The following DRC11 variants were observed in gnomAD, a reference collection of about 807,000 sequenced individuals.
DRC11 encodes IQ and AAA domain-containing protein 1.
the DRC11 span, among the ~76,000 whole-genome samples, chr2:236,490,991 CAAG>C: frequency 3.1e-5 from 4 of 129,066 alleles, no homozygotes; most frequent in Non-Finnish European, 6.7e-5. The surrounding 1 kb of genome is among the most constrained non-coding windows in gnomAD (Gnocchi z 5.5). Flanking sequence ...GTATATACCC[CAAG>C]AATATATTGT....
chr2:236,406,142 A>G, the DRC11 span, among the ~76,000 whole-genome samples: 15 of 152,370 alleles, frequency 9.8e-5, no homozygotes, highest in African/African-American at 3.4e-4. This position sits in a 1 kb window ranked among gnomAD's most constrained non-coding sequence, Gnocchi z 4.7. Flanking sequence ...CTGAGAGTCA[A>G]TGGGACATAC....
the DRC11 span, among the ~76,000 whole-genome samples, chr2:236,342,021 C>T: frequency 7.2e-5 from 11 of 152,162 alleles, no homozygotes; most frequent in African/African-American, 2.2e-4. The surrounding 1 kb of genome is among the most constrained non-coding windows in gnomAD (Gnocchi z 5.8). Flanking sequence ...CTTCCATGCT[C>T]GGGTGGCGTC....
At chr2:236,320,958 G>C in the DRC11 span, among the ~76,000 whole-genome samples, 1 of 151,790 alleles carries the variant, frequency 6.6e-6, no homozygotes, top group African/African-American at 2.4e-5. Context: ...GGAGGACTTT[G>C]GGTTTTCAGC....
the DRC11 span, chr2:236,368,336 A>G: frequency 1.6e-6 from 2 of 1,279,312 alleles, no homozygotes; most frequent in Non-Finnish European, 2.2e-6. Context: ...CAATAAATGG[A>G]AAACAGCGCT....
At chr2:236,390,339 C>T in the DRC11 span, among the ~76,000 whole-genome samples, 1 of 152,096 alleles carries the variant, frequency 6.6e-6, no homozygotes. The surrounding 1 kb of genome is among the most constrained non-coding windows in gnomAD (Gnocchi z 5.9). Context: ...CATCCCTTCA[C>T]TTTCAGCCTA....
chr2:236,456,165 T>A, the DRC11 span, among the ~76,000 whole-genome samples: 152 of 152,324 alleles, frequency 1.0e-3, no homozygotes, highest in African/African-American at 3.5e-3. This position sits in a 1 kb window ranked among gnomAD's most constrained non-coding sequence, Gnocchi z 5.4. Context: ...TCCTATAGGT[T>A]TAACATGATT....
At chr2:236,440,282 A>C in the DRC11 span, among the ~76,000 whole-genome samples, 1 of 152,212 alleles carries the variant, frequency 6.6e-6, no homozygotes, top group Admixed American at 6.5e-5. Flanking sequence ...TTAATAGCGC[A>C]GGGCTTTAGA....
At chr2:236,339,099 C>T in the DRC11 span, among the ~76,000 whole-genome samples, 17 of 152,254 alleles carry the variant, frequency 1.1e-4, no homozygotes, top group Admixed American at 2.6e-4. Context: ...ATGGTGAGAG[C>T]CTCTGCAGAG....
chr2:236,448,642 A>T, the DRC11 span, among the ~76,000 whole-genome samples: 17 of 150,140 alleles, frequency 1.1e-4, no homozygotes, highest in South Asian at 3.6e-3. The surrounding 1 kb of genome is among the most constrained non-coding windows in gnomAD (Gnocchi z 5.3). Flanking sequence ...GGCTGTATTT[A>T]TTATTATTAT....
chr2:236,387,856 T>C, the DRC11 span, among the ~76,000 whole-genome samples: 1 of 152,286 alleles, frequency 6.6e-6, no homozygotes, highest in Middle Eastern at 3.4e-3. Context: ...AAGGCAGGCC[T>C]GGTGGTGACA....
At chr2:236,491,193 T>C in the DRC11 span, among the ~76,000 whole-genome samples, 1 of 50,682 alleles carries the variant, frequency 2.0e-5, no homozygotes, top group Non-Finnish European at 3.7e-5. Flanking sequence ...ACACAGTATA[T>C]ATATATATAT....
At chr2:236,453,386 C>A in the DRC11 span, among the ~76,000 whole-genome samples, 1 of 152,186 alleles carries the variant, frequency 6.6e-6, no homozygotes, top group African/African-American at 2.4e-5. This position sits in a 1 kb window ranked among gnomAD's most constrained non-coding sequence, Gnocchi z 4.9. Context: ...ATTTATGAAA[C>A]ACAAAGGCCT....
At chr2:236,418,021 T>C in the DRC11 span, among the ~76,000 whole-genome samples, 3 of 152,216 alleles carry the variant, frequency 2.0e-5, no homozygotes, top group East Asian at 1.9e-4. Flanking sequence ...CTATTGTAAA[T>C]AGTGCTGCAG....
chr2:236,487,717 T>C, the DRC11 span, among the ~76,000 whole-genome samples: 1 of 152,216 alleles, frequency 6.6e-6, no homozygotes, highest in Non-Finnish European at 1.5e-5. Flanking sequence ...ATATCCTCAC[T>C]GCATTTCAGC....
chr2:236,403,246 G>A, the DRC11 span, among the ~76,000 whole-genome samples: 3 of 152,114 alleles, frequency 2.0e-5, no homozygotes, highest in Non-Finnish European at 2.9e-5. Flanking sequence ...AGGGATGGCT[G>A]AAGGAGGTTC....
the DRC11 span, among the ~76,000 whole-genome samples, chr2:236,469,163 C>T: frequency 2.9e-4 from 44 of 152,254 alleles, no homozygotes; most frequent in Admixed American, 9.8e-4. This position sits in a 1 kb window ranked among gnomAD's most constrained non-coding sequence, Gnocchi z 5.8. Flanking sequence ...TCCTGTACCG[C>T]GTTTCTTTAT....
chr2:236,307,697 C>G, the DRC11 span, among the ~76,000 whole-genome samples: 1 of 152,148 alleles, frequency 6.6e-6, no homozygotes, highest in African/African-American at 2.4e-5. The surrounding 1 kb of genome is among the most constrained non-coding windows in gnomAD (Gnocchi z 7.0). Flanking sequence ...TTCTATGGAG[C>G]TGCCTTTCAG....
the DRC11 span, among the ~76,000 whole-genome samples, chr2:236,342,682 T>C: frequency 6.6e-6 from 1 of 152,132 alleles, no homozygotes; most frequent in African/African-American, 2.4e-5. This position sits in a 1 kb window ranked among gnomAD's most constrained non-coding sequence, Gnocchi z 5.8. Flanking sequence ...CCTCCCCCGC[T>C]CCTCTCCTGC....
At chr2:236,316,636 G>C in the DRC11 span, among the ~76,000 whole-genome samples, 1 of 152,128 alleles carries the variant, frequency 6.6e-6, no homozygotes, top group Non-Finnish European at 1.5e-5. This position sits in a 1 kb window ranked among gnomAD's most constrained non-coding sequence, Gnocchi z 6.8. Context: ...TAAAAAGTAC[G>C]GTAATATTCA....
Sources: gnomAD v4.1 joint callset for allele counts (sites outside exome capture counted in the v4.1 genomes callset) on GRCh38, gnomAD v4.1.1 for gene constraint, Gnocchi (gnomAD v3.1) non-coding constraint, MANE v1.5 for transcripts, NCBI Gene and HGNC (gene_info 2026-07-23, HGNC 2026-07-21) for gene names.